TRDN: variants seen among roughly 807,000 people sequenced by gnomAD.
The protein encoded by TRDN is triadin in skeletal muscle.
Under a neutral mutation model 149.7 loss-of-function variants are expected in TRDN, and 161 were observed. The ratio of observed to expected loss-of-function variants is 1.08; its 90% CI spans 0.95 to 1.23. TRDN has a LOEUF of 1.23. Among genes scored for constraint, TRDN ranks in the 50% most tolerant of loss-of-function variants. The pLI, the probability that TRDN is intolerant of heterozygous loss-of-function variation, is 0.00. For synonymous variants in TRDN, 294 were observed against 250.5 expected, an observed-to-expected ratio of 1.17 and a Z score of -1.64; for missense variants, 896 against 823.5, an observed-to-expected ratio of 1.09 and a Z score of -1.08.
At chr6:123,351,341 AT>A in intron 21 of TRDN, 1 of 971,222 alleles carries the variant, frequency 1.0e-6, no homozygotes, top group Non-Finnish European at 1.2e-6. Context: ...AATTACCTTT[AT>A]TTTTTAAAAA....
intron 38 of TRDN, among the ~76,000 whole-genome samples, chr6:123,232,852 A>G (rs1775656062): frequency 1.3e-5 from 2 of 152,032 alleles, no homozygotes; most frequent in African/African-American, 4.8e-5. Context: ...TCTGCTCTAT[A>G]TGCTCTTAGC....
chr6:123,571,806 A>G (rs1284707429), intron 1 of TRDN, among the ~76,000 whole-genome samples: 2 of 152,014 alleles, frequency 1.3e-5, no homozygotes, highest in African/African-American at 2.4e-5. Flanking sequence ...TTACTAGGCA[A>G]TATATCAGAA....
intron 38 of TRDN, among the ~76,000 whole-genome samples, chr6:123,239,253 T>G (rs1016064231): frequency 6.6e-6 from 1 of 152,112 alleles, no homozygotes; most frequent in African/African-American, 2.4e-5. Flanking sequence ...TAACATGAAA[T>G]AGCACCTGAT....
At chr6:123,538,740 T>C (rs982570578) in intron 4 of TRDN, among the ~76,000 whole-genome samples, 1 of 152,166 alleles carries the variant, frequency 6.6e-6, no homozygotes, top group African/African-American at 2.4e-5. Flanking sequence ...GATTCAACAC[T>C]GTATACTAAT....
chr6:123,304,219 T>C (rs1778523649), intron 24 of TRDN, among the ~76,000 whole-genome samples: 1 of 151,660 alleles, frequency 6.6e-6, no homozygotes, highest in South Asian at 2.1e-4. Context: ...ACTGTGAAAA[T>C]TTTGTATATG....
chr6:123,425,855 A>G (rs1330623088), intron 12 of TRDN, among the ~76,000 whole-genome samples: 1 of 152,086 alleles, frequency 6.6e-6, no homozygotes, highest in Non-Finnish European at 1.5e-5. Flanking sequence ...ATAACAGGAT[A>G]TTTATATAAT....
At chr6:123,477,610 C>T (rs1170381790) in intron 9 of TRDN, among the ~76,000 whole-genome samples, 9 of 151,606 alleles carry the variant, frequency 5.9e-5, no homozygotes, top group East Asian at 1.9e-4. Context: ...CACATGCACA[C>T]GTATGTTTAT....
intron 21 of TRDN, among the ~76,000 whole-genome samples, chr6:123,340,670 G>A (rs1176400447): frequency 6.6e-6 from 1 of 151,946 alleles, no homozygotes; most frequent in Non-Finnish European, 1.5e-5. Context: ...GATGCTTGCT[G>A]ATCTGAGATA....
rs771170294 is a variant in TRDN at position 123,267,707 on chromosome 6, C to T, written c.1783G>A (p.Asp595Asn). ...ATATAAACCAAAAATGGTAAAATAC[C>T]TGTTTTTATAGATGGAGGTTCTCTT... ...REREPPSIKTDKPKPTPKGTS... is the reference protein window; with the variant it reads ...REREPPSIKTNKPKPTPKGTS... The change falls in exon 32 of 41, where the codon GAC becomes AAC. Residue 595 changes from aspartate to asparagine, a missense_variant and splice_region_variant. Coordinates refer to ENST00000334268, the MANE Select transcript of TRDN (RefSeq NM_006073.4). The T allele has an allele frequency of 2.7e-5, 42 of 1,565,760 alleles. No individual in the cohort carries two copies. The highest frequency in any genetic ancestry group is 5.6e-5 in the Admixed American group (3 of 53,904).
At chr6:123,356,716 G>T (rs1341618690) in intron 20 of TRDN, among the ~76,000 whole-genome samples, 1 of 149,642 alleles carries the variant, frequency 6.7e-6, no homozygotes, top group Non-Finnish European at 1.5e-5. Flanking sequence ...TAAAATTGAG[G>T]GAGGGGAATA....
chr6:123,349,448 T>G, intron 21 of TRDN: 1 of 815,608 alleles, frequency 1.2e-6, no homozygotes. Flanking sequence ...CGAAGTATTG[T>G]CAAAAAGTTT....
intron 21 of TRDN, among the ~76,000 whole-genome samples, chr6:123,340,006 T>G (rs1035469253): frequency 6.6e-6 from 1 of 152,168 alleles, no homozygotes; most frequent in Non-Finnish European, 1.5e-5. Flanking sequence ...TAATACTCAA[T>G]AGAAATGCAT....
At chr6:123,446,384 A>G (rs1426521189) in intron 10 of TRDN, among the ~76,000 whole-genome samples, 1 of 152,000 alleles carries the variant, frequency 6.6e-6, no homozygotes, top group Non-Finnish European at 1.5e-5. Flanking sequence ...CTTAAAGTAT[A>G]ATAATAAAAG....
intron 10 of TRDN, among the ~76,000 whole-genome samples, chr6:123,447,046 A>G (rs1328311349): frequency 6.6e-6 from 1 of 152,188 alleles, no homozygotes; most frequent in Non-Finnish European, 1.5e-5. Flanking sequence ...TTTTTAAATT[A>G]AGGACTTCAC....
At chr6:123,269,900 G>A (rs1302432004) in intron 30 of TRDN, 34 bp from the exon 31 acceptor site, 2 of 1,605,666 alleles carry the variant, frequency 1.2e-6, no homozygotes, top group African/African-American at 1.3e-5. Flanking sequence ...ATGGCATATT[G>A]ATGAGTACAA....
At chr6:123,399,192 A>G (rs1772858615) in intron 12 of TRDN, among the ~76,000 whole-genome samples, 1 of 152,200 alleles carries the variant, frequency 6.6e-6, no homozygotes, top group East Asian at 1.9e-4. Flanking sequence ...GTCAAAATCT[A>G]CCTATAGATG....
At position 123,590,928 on chromosome 6, in the gene TRDN, T is replaced by C. The variant is rs1304605398; in HGVS notation, c.23-19796A>G. On this transcript the variant is annotated intron_variant, in intron 1 of 40. Coordinates refer to ENST00000334268, the MANE Select transcript of TRDN (RefSeq NM_006073.4). ...AAGAATGGAAACCACTGTTTTAAAA[T>C]ATATAATCAGTAAACAGGGAAAGGA... 3.9e-5 allele frequency among the ~76,000 whole-genome samples: 6 copies of C among 152,144 alleles called. No homozygotes were observed. In the East Asian group the frequency reaches 1.2e-3, roughly 29 times the overall value.
rs1002036403 is a variant in TRDN at position 123,492,658 on chromosome 6, A to G, written c.853+4535T>C. The stretch of plus-strand genomic sequence containing the variant: ...ATGTGCTAAGCCACACAAAATTGAA[A>G]AGGAAATTGGAATTACTGGAAGGTT... On this transcript the variant is annotated intron_variant, in intron 9 of 40. Transcript: ENST00000334268. Among the ~76,000 whole-genome samples, 41 of 152,190 alleles carry G rather than the reference A, an allele frequency of 2.7e-4. 1 individual carries two copies. The highest frequency in any genetic ancestry group is 2.6e-3 in the Admixed American group (40 of 15,282).
intron 12 of TRDN, among the ~76,000 whole-genome samples, chr6:123,421,082 A>C (rs1236695296): frequency 6.6e-6 from 1 of 152,208 alleles, no homozygotes; most frequent in Non-Finnish European, 1.5e-5. Context: ...TCTCTGAGGA[A>C]ATTTATCTGC....
Sources: gnomAD v4.1 joint callset for allele counts (sites outside exome capture counted in the v4.1 genomes callset) on GRCh38, gnomAD v4.1.1 for gene constraint, MANE v1.5 for transcripts, NCBI Gene and HGNC (gene_info 2026-07-23, HGNC 2026-07-21) for gene names.